DLGAP1: variants seen among roughly 807,000 people sequenced by gnomAD.
DLGAP1 encodes disks large-associated protein 1.
DLGAP1 carries 11 observed loss-of-function variants against 90.8 expected under a neutral mutation model. The observed-to-expected ratio is 0.12, with a 90% confidence interval of 0.08 to 0.20. DLGAP1 has a LOEUF of 0.20. Among genes scored for constraint, DLGAP1 ranks in the 10% least tolerant of loss-of-function variants. The probability of loss-of-function intolerance (pLI) is 1.00; values close to 1 mark genes in which losing one functional copy is unlikely to be tolerated. For synonymous variants in DLGAP1, 558 were observed against 540.7 expected, an observed-to-expected ratio of 1.03 and a Z score of -0.44; for missense variants, 1,050 against 1,333.8, an observed-to-expected ratio of 0.79 and a Z score of 3.31.
At chr18:3,890,565 C>A (rs1161777595) in intron 3 of DLGAP1, among the ~76,000 whole-genome samples, 1 of 152,124 alleles carries the variant, frequency 6.6e-6, no homozygotes, top group East Asian at 1.9e-4. Flanking sequence ...TAACTTTTTT[C>A]ATTTTGGAAC....
chr18:3,900,450 A>G (rs1451984628), intron 3 of DLGAP1, among the ~76,000 whole-genome samples: 1 of 152,206 alleles, frequency 6.6e-6, no homozygotes, highest in African/African-American at 2.4e-5. Flanking sequence ...CTGAGTAGTT[A>G]TTTGCACATT....
intron 2 of DLGAP1, among the ~76,000 whole-genome samples, chr18:4,111,316 T>C (rs1057271534): frequency 6.6e-6 from 1 of 152,116 alleles, no homozygotes; most frequent in Non-Finnish European, 1.5e-5. Flanking sequence ...TTTGCTAGTG[T>C]TTTGTTGAAG....
chr18:4,184,605 A>G (rs1445233233), intron 1 of DLGAP1, among the ~76,000 whole-genome samples: 2 of 152,122 alleles, frequency 1.3e-5, no homozygotes, highest in Non-Finnish European at 2.9e-5. Context: ...GCCTATATAG[A>G]GAGTAAACAC....
rs761785408 is a variant in DLGAP1 at position 3,879,329 on chromosome 18, G to A, written c.740C>T (p.Ala247Val). 6 of 1,605,022 alleles carry A rather than the reference G, an allele frequency of 3.7e-6. No individual in the cohort carries two copies. The highest frequency in any genetic ancestry group is 1.3e-5 in the African/African-American group (1 of 74,746). Reference sequence around the variant, plus strand: ...GTTGTTGCTCCGGGAGGCCTTCACCGCCTGCTCGCTGATGGTGTTGTAGGC... The same window carrying A: ...GTTGTTGCTCCGGGAGGCCTTCACCACCTGCTCGCTGATGGTGTTGTAGGC... ...LEAYNTISEQ[A>V]VKASRSNNDV... Residue 247 changes from alanine (A) to valine (V), a missense_variant, in exon 4 of 13, where the codon GCG (alanine) becomes GTG (valine). Around this residue, in one of 2 missense-constraint regions of DLGAP1, gnomAD observed 485 missense variants for 454.1 expected, o/e 1.07. Coordinates refer to ENST00000315677, the MANE Select transcript of DLGAP1 (RefSeq NM_004746.4). This position sits in a 1 kb window ranked among gnomAD's most constrained non-coding sequence, Gnocchi z 6.6.
intron 1 of DLGAP1, among the ~76,000 whole-genome samples, chr18:4,453,418 T>A (rs890180212): frequency 6.6e-6 from 1 of 152,222 alleles, no homozygotes; most frequent in Non-Finnish European, 1.5e-5. Flanking sequence ...CTTGCCTCCA[T>A]GTCATTTCCG....
chr18:4,221,965 C>T (rs1040002260), intron 1 of DLGAP1, among the ~76,000 whole-genome samples: 13 of 152,252 alleles, frequency 8.5e-5, no homozygotes, highest in African/African-American at 2.6e-4. Flanking sequence ...TCTTTGAACA[C>T]GAATATTCCT....
chr18:3,500,459 A>C (rs2049871241), intron 12 of DLGAP1, among the ~76,000 whole-genome samples: 1 of 152,230 alleles, frequency 6.6e-6, no homozygotes, highest in Admixed American at 6.5e-5. Flanking sequence ...TTCTCCAAAG[A>C]GTACTCTTTG....
At chr18:4,261,568 C>T (rs1157800899) in intron 1 of DLGAP1, among the ~76,000 whole-genome samples, 2 of 152,148 alleles carry the variant, frequency 1.3e-5, no homozygotes, top group Non-Finnish European at 2.9e-5. Context: ...GACCCCCCTT[C>T]GTCCCTATTC....
At chr18:4,081,898 C>T (rs1568385363) in intron 2 of DLGAP1, among the ~76,000 whole-genome samples, 1 of 152,194 alleles carries the variant, frequency 6.6e-6, no homozygotes, top group Non-Finnish European at 1.5e-5. Context: ...TTTCCCATTT[C>T]CCTTTTCCTT....
rs112338095 is a variant in DLGAP1, at chr18:4,454,406, T to TTCTCTCTATCTCTCTCTCTCTC, written c.-267+599_-267+600insGAGAGAGAGAGAGATAGAGAGA. ...CAGTGACCTCCTCCTTGGACCCCATTTCTCTCTCTCTCTCTCTCTCTGTGC... is the reference window on the plus strand; with the variant it reads ...CAGTGACCTCCTCCTTGGACCCCATTTCTCTCTATCTCTCTCTCTCTCTCTCTCTCTCTCTCTCTCTCTGTGC... On this transcript the variant is annotated intron_variant, in intron 1 of 12. Coordinates refer to ENST00000315677, the MANE Select transcript of DLGAP1 (RefSeq NM_004746.4). The surrounding 1 kb of genome is among the most constrained non-coding windows in gnomAD (Gnocchi z 4.7). Among the ~76,000 whole-genome samples the TTCTCTCTATCTCTCTCTCTCTC allele has an allele frequency of 2.7e-5, 4 of 150,558 alleles. No individual in the cohort carries two copies. Among genetic ancestry groups the TTCTCTCTATCTCTCTCTCTCTC allele is most frequent in the African/African-American group, 7.3e-5 (3 of 41,042 alleles).
At chr18:4,439,910 A>G (rs1017323611) in intron 1 of DLGAP1, among the ~76,000 whole-genome samples, 8 of 151,978 alleles carry the variant, frequency 5.3e-5, no homozygotes, top group African/African-American at 1.7e-4. Flanking sequence ...CAAGGTCAGG[A>G]GATCGAGACC....
At chr18:3,949,547 G>A (rs1241740985) in intron 3 of DLGAP1, among the ~76,000 whole-genome samples, 1 of 152,072 alleles carries the variant, frequency 6.6e-6, no homozygotes, top group Non-Finnish European at 1.5e-5. Context: ...CACGTGATGT[G>A]GGTTCTGCCT....
intron 5 of DLGAP1, among the ~76,000 whole-genome samples, chr18:3,799,104 T>G (rs867862916): frequency 2.6e-5 from 4 of 152,198 alleles, no homozygotes; most frequent in Non-Finnish European, 5.9e-5. Context: ...CTTGAACTCC[T>G]GACCTCGTGA....
chr18:4,300,639 T>G (rs971930852), intron 1 of DLGAP1, among the ~76,000 whole-genome samples: 3 of 152,176 alleles, frequency 2.0e-5, no homozygotes, highest in African/African-American at 7.2e-5. Flanking sequence ...TTTCTGCTTT[T>G]AAAGTGTCTT....
chr18:3,506,513 CAAAAAAAA>C (rs11316330), intron 11 of DLGAP1, among the ~76,000 whole-genome samples: 10 of 69,632 alleles, frequency 1.4e-4, no homozygotes, highest in Admixed American at 2.3e-4. Context: ...GACTCCGTCT[CAAAAAAAA>C]AAAAAAAAAA....
chr18:3,842,389 A>G (rs936630305), intron 4 of DLGAP1, among the ~76,000 whole-genome samples: 1 of 152,176 alleles, frequency 6.6e-6, no homozygotes, highest in African/African-American at 2.4e-5. Context: ...TTTAAGCAGA[A>G]GATTTAATGA....
At chr18:4,107,506 T>C (rs2075890484) in intron 2 of DLGAP1, among the ~76,000 whole-genome samples, 2 of 152,072 alleles carry the variant, frequency 1.3e-5, no homozygotes, top group South Asian at 2.1e-4. Context: ...CTCACCATTA[T>C]GAAAAAAGGG....
At chr18:4,269,474 CT>C (rs2079215189) in intron 1 of DLGAP1, among the ~76,000 whole-genome samples, 1 of 151,672 alleles carries the variant, frequency 6.6e-6, no homozygotes, top group Admixed American at 6.6e-5. Flanking sequence ...CTGCCTCAGC[CT>C]CCCGAGTAGC....
At chr18:3,562,653 T>TCCTG (rs1475590037) in intron 9 of DLGAP1, among the ~76,000 whole-genome samples, 2 of 150,676 alleles carry the variant, frequency 1.3e-5, no homozygotes, top group African/African-American at 4.9e-5. Context: ...CAAGTGATTT[T>TCCTG]CCTGCCTCAG....
Sources: allele counts gnomAD v4.1 joint callset (sites outside exome capture counted in the v4.1 genomes callset), GRCh38; gene constraint gnomAD v4.1.1; regional missense constraint gnomAD v4.1.1; non-coding constraint Gnocchi (gnomAD v3.1); transcripts MANE v1.5; gene names NCBI Gene and HGNC (gene_info 2026-07-23, HGNC 2026-07-21).